Variants in ADAMTSL1 observed in about 807,000 individuals in gnomAD.
ADAMTSL1 encodes ADAMTS like 1.
ADAMTSL1 carries 126 observed loss-of-function variants against 201.8 expected under a neutral mutation model. The ratio of observed to expected loss-of-function variants is 0.62; its 90% confidence interval spans 0.54 to 0.72. The LOEUF (loss-of-function observed/expected upper bound fraction) is 0.72, where lower values mean the gene tolerates loss of function less well. ADAMTSL1 is among the 30% of genes least tolerant of loss of function. The pLI is 0.00. For synonymous variants in ADAMTSL1, 1,121 were observed against 903.4 expected (o/e 1.24, Z -4.32); for missense variants, 2,679 against 2,277.8 (o/e 1.18, Z -3.59).
intron 2 of ADAMTSL1, among the ~76,000 whole-genome samples, chr9:18,401,333 G>A (rs1313814972): frequency 2.0e-5 from 3 of 152,112 alleles, no homozygotes; most frequent in Non-Finnish European, 4.4e-5. Context: ...ATGGCTTCTG[G>A]CTACTCACAG....
intron 2 of ADAMTSL1, among the ~76,000 whole-genome samples, chr9:18,289,343 C>T (rs1444185712): frequency 6.6e-6 from 1 of 152,062 alleles, no homozygotes; most frequent in African/African-American, 2.4e-5. Context: ...TAAGAAGTAC[C>T]CTCACAGATA....
At chr9:17,965,125 G>T (rs1192436128) in intron 1 of ADAMTSL1, among the ~76,000 whole-genome samples, 1 of 152,102 alleles carries the variant, frequency 6.6e-6, no homozygotes, top group Non-Finnish European at 1.5e-5. Flanking sequence ...TAAATAGAAT[G>T]AAGATAGAGT....
chr9:18,846,808 C>T (rs536911264), intron 23 of ADAMTSL1, among the ~76,000 whole-genome samples: 4 of 152,170 alleles, frequency 2.6e-5, no homozygotes, highest in South Asian at 2.1e-4. Flanking sequence ...GTAACTTCAA[C>T]GGGACTTGGT....
At chr9:18,056,578 G>A (rs1822196597) in intron 1 of ADAMTSL1, among the ~76,000 whole-genome samples, 2 of 152,128 alleles carry the variant, frequency 1.3e-5, no homozygotes, top group African/African-American at 2.4e-5. Flanking sequence ...ATATTTCTGT[G>A]GGAGGTAGGG....
intron 2 of ADAMTSL1, among the ~76,000 whole-genome samples, chr9:18,263,457 G>T (rs1446278641): frequency 6.6e-6 from 1 of 152,096 alleles, no homozygotes; most frequent in Non-Finnish European, 1.5e-5. Context: ...ACCTGGTGTT[G>T]TAGAACTCTC....
intron 4 of ADAMTSL1, among the ~76,000 whole-genome samples, chr9:18,615,909 A>G (rs1276864827): frequency 6.6e-6 from 1 of 152,166 alleles, no homozygotes; most frequent in Non-Finnish European, 1.5e-5. Context: ...TAGGAGGTAT[A>G]GCTGCACATG....
chr9:18,490,290 C>T (rs1563992540), intron 1 of ADAMTSL1, among the ~76,000 whole-genome samples: 1 of 151,500 alleles, frequency 6.6e-6, no homozygotes, highest in Non-Finnish European at 1.5e-5. Context: ...GGAAGCTACA[C>T]AGCAGAAGCA....
At chr9:18,577,205 G>A (rs1822790278) in intron 4 of ADAMTSL1, among the ~76,000 whole-genome samples, 1 of 152,294 alleles carries the variant, frequency 6.6e-6, no homozygotes, top group Admixed American at 6.5e-5. Flanking sequence ...ATGAGTTGGG[G>A]CCAGGCACGG....
intron 2 of ADAMTSL1, among the ~76,000 whole-genome samples, chr9:18,355,214 A>G (rs1053629393): frequency 6.6e-6 from 1 of 152,194 alleles, no homozygotes; most frequent in Non-Finnish European, 1.5e-5. Flanking sequence ...TTTCTCAGGC[A>G]GTACTATAAA....
chr9:18,169,421 A>C (rs1193349667), intron 2 of ADAMTSL1, among the ~76,000 whole-genome samples: 1 of 152,114 alleles, frequency 6.6e-6, no homozygotes, highest in Non-Finnish European at 1.5e-5. Context: ...GGTTTGCCAA[A>C]GATCAGATAG....
intron 2 of ADAMTSL1, among the ~76,000 whole-genome samples, chr9:18,285,004 C>T (rs1391952763): frequency 6.6e-6 from 1 of 152,118 alleles, no homozygotes; most frequent in Non-Finnish European, 1.5e-5. Context: ...ATTCAAGGAA[C>T]ATCTTTGTAT....
At chr9:18,567,178 G>A (rs1821959379) in intron 3 of ADAMTSL1, among the ~76,000 whole-genome samples, 1 of 152,144 alleles carries the variant, frequency 6.6e-6, no homozygotes, top group Admixed American at 6.5e-5. Context: ...TAAAGTTTTT[G>A]ACTAGGCTGG....
chr9:18,736,839 T>A (rs2133519603), intron 15 of ADAMTSL1, among the ~76,000 whole-genome samples: 1 of 152,232 alleles, frequency 6.6e-6, no homozygotes, highest in East Asian at 1.9e-4. Context: ...AAACTTTAAA[T>A]GGAAGCCTAC....
intron 2 of ADAMTSL1, among the ~76,000 whole-genome samples, chr9:18,468,091 G>C (rs1299085265): frequency 6.6e-6 from 1 of 152,086 alleles, no homozygotes; most frequent in Non-Finnish European, 1.5e-5. Flanking sequence ...TTTCAAAAAG[G>C]CTACAAAAGA....
chr9:18,685,614 G>A (rs564194801), intron 13 of ADAMTSL1, among the ~76,000 whole-genome samples: 25 of 152,304 alleles, frequency 1.6e-4, no homozygotes, highest in African/African-American at 5.5e-4. Context: ...TGGCACTTAA[G>A]ATAACTCATC....
At chr9:18,311,430 A>C (rs1423851672) in intron 2 of ADAMTSL1, among the ~76,000 whole-genome samples, 1 of 152,146 alleles carries the variant, frequency 6.6e-6, no homozygotes, top group Admixed American at 6.5e-5. Context: ...ATCAAATAGC[A>C]CGTCAATGTG....
At chr9:18,305,553 A>G (rs1587512678) in intron 2 of ADAMTSL1, among the ~76,000 whole-genome samples, 1 of 152,168 alleles carries the variant, frequency 6.6e-6, no homozygotes, top group Admixed American at 6.5e-5. Context: ...AGGCTTGAGT[A>G]GGCGGTTTTC....
chr9:18,686,937 TA>T (rs1237448734), intron 13 of ADAMTSL1, among the ~76,000 whole-genome samples: 1 of 152,326 alleles, frequency 6.6e-6, no homozygotes, highest in African/African-American at 2.4e-5. Context: ...TTAAAGTAGT[TA>T]AAAAAGTTTT....
At chr9:17,968,378 G>T (rs1818063747) in intron 1 of ADAMTSL1, among the ~76,000 whole-genome samples, 1 of 152,126 alleles carries the variant, frequency 6.6e-6, no homozygotes, top group African/African-American at 2.4e-5. Context: ...TATGAGAACA[G>T]TGTGCTGGCT....
Sources: gnomAD v4.1 joint callset for allele counts (sites outside exome capture counted in the v4.1 genomes callset) on GRCh38, gnomAD v4.1.1 for gene constraint, MANE v1.5 for transcripts, NCBI Gene and HGNC (gene_info 2026-07-23, HGNC 2026-07-21) for gene names.